GPC6: variants seen among roughly 807,000 people sequenced by gnomAD.
GPC6 encodes glypican 6.
A neutral mutation model predicts 55.2 loss-of-function variants in GPC6; 14 were observed. The observed-to-expected ratio is 0.25, with a 90% CI of 0.17 to 0.40. The LOEUF is 0.40. Ranked by LOEUF, GPC6 falls within the 10% of genes least tolerant of loss-of-function variation. GPC6 has a pLI of 1.00. For missense variants in GPC6, 641 were observed against 708.5 expected (o/e 0.90, Z 1.08); for synonymous variants, 278 against 259.6 (o/e 1.07, Z -0.68).
At chr13:94,009,917 T>A (rs988764915) in intron 3 of GPC6, among the ~76,000 whole-genome samples, 2 of 152,174 alleles carry the variant, frequency 1.3e-5, no homozygotes, top group African/African-American at 4.8e-5. Context: ...AGGAATTCAG[T>A]TGGCATTGCT....
At chr13:93,822,208 A>G (rs1887072906) in intron 2 of GPC6, among the ~76,000 whole-genome samples, 1 of 152,106 alleles carries the variant, frequency 6.6e-6, no homozygotes, top group African/African-American at 2.4e-5. Context: ...TTCTATGTGT[A>G]CAAATATCAT....
At chr13:93,245,482 G>T (rs1876567457) in intron 1 of GPC6, among the ~76,000 whole-genome samples, 1 of 152,154 alleles carries the variant, frequency 6.6e-6, no homozygotes, top group South Asian at 2.1e-4. Flanking sequence ...CGAAAGGCTT[G>T]CAAAACACAA....
At chr13:93,610,199 A>C (rs1281347389) in intron 2 of GPC6, among the ~76,000 whole-genome samples, 1 of 152,196 alleles carries the variant, frequency 6.6e-6, no homozygotes, top group Non-Finnish European at 1.5e-5. Context: ...AAACTTCGTA[A>C]GTTTCAATTT....
chr13:93,286,692 A>G (rs1878138763), intron 1 of GPC6, among the ~76,000 whole-genome samples: 1 of 152,178 alleles, frequency 6.6e-6, no homozygotes. Flanking sequence ...GGCAGAGGTC[A>G]CTAAGTTTTA....
intron 1 of GPC6, among the ~76,000 whole-genome samples, chr13:93,257,840 T>C (rs1877006888): frequency 6.6e-6 from 1 of 152,212 alleles, no homozygotes; most frequent in Non-Finnish European, 1.5e-5. Flanking sequence ...TTTTCTAGTA[T>C]TAAATTTCTC....
At chr13:93,442,613 T>A (rs1292124340) in intron 1 of GPC6, among the ~76,000 whole-genome samples, 1 of 152,202 alleles carries the variant, frequency 6.6e-6, no homozygotes, top group Non-Finnish European at 1.5e-5. Context: ...TGTTTCAGTA[T>A]CTTCCAAGAT....
At chr13:93,380,634 A>G (rs1875123726) in intron 1 of GPC6, among the ~76,000 whole-genome samples, 1 of 152,130 alleles carries the variant, frequency 6.6e-6, no homozygotes, top group African/African-American at 2.4e-5. Flanking sequence ...GATTGTATAG[A>G]AAATAGCCAG....
intron 2 of GPC6, among the ~76,000 whole-genome samples, chr13:93,576,760 TG>T (rs1367163525): frequency 6.6e-6 from 1 of 152,170 alleles, no homozygotes; most frequent in African/African-American, 2.4e-5. Context: ...ACACAAATTC[TG>T]ATGAATATAA....
chr13:94,372,506 G>A (rs562724076), intron 6 of GPC6, among the ~76,000 whole-genome samples: 6 of 152,262 alleles, frequency 3.9e-5, no homozygotes, highest in South Asian at 2.1e-4. Context: ...CTTTTCCGAC[G>A]GGCTTAAAAA....
intron 1 of GPC6, among the ~76,000 whole-genome samples, chr13:93,439,941 A>G (rs1877725941): frequency 6.6e-6 from 1 of 152,154 alleles, no homozygotes; most frequent in Non-Finnish European, 1.5e-5. Flanking sequence ...AAAATAATTA[A>G]TAGTTTTATT....
intron 1 of GPC6, among the ~76,000 whole-genome samples, chr13:93,418,292 A>G (rs1426519258): frequency 6.6e-6 from 1 of 151,704 alleles, no homozygotes; most frequent in African/African-American, 2.4e-5. Flanking sequence ...CAATCCAATT[A>G]TATACTTTTA....
At chr13:93,349,734 A>G (rs1382807878) in intron 1 of GPC6, among the ~76,000 whole-genome samples, 2 of 152,190 alleles carry the variant, frequency 1.3e-5, no homozygotes, top group Non-Finnish European at 2.9e-5. Flanking sequence ...TTCTCATTTT[A>G]ATATTAATGT....
chr13:93,693,459 ATC>A (rs1175928614), intron 2 of GPC6, among the ~76,000 whole-genome samples: 1 of 88,388 alleles, frequency 1.1e-5, no homozygotes, highest in South Asian at 4.0e-4. Flanking sequence ...GTGTATGTAT[ATC>A]TGTGTGTGTG....
intron 2 of GPC6, among the ~76,000 whole-genome samples, chr13:93,671,696 C>T (rs1374168305): frequency 2.6e-5 from 4 of 151,972 alleles, no homozygotes; most frequent in Admixed American, 6.6e-5. Flanking sequence ...CTCACCACAG[C>T]GGGTACCAAA....
rs1419711006 is a variant in GPC6, at chr13:93,621,071, C to T, written c.319+75650C>T. On this transcript the variant is annotated intron_variant, in intron 2 of 8. Coordinates refer to ENST00000377047, the MANE Select transcript of GPC6 (RefSeq NM_005708.5). Reference sequence around the variant, plus strand: ...TAACAGTTATGGTGGTGACGAATTGCAATAAAGATTTATTTCTTGCTTATG... The same window carrying T: ...TAACAGTTATGGTGGTGACGAATTGTAATAAAGATTTATTTCTTGCTTATG... Among the ~76,000 whole-genome samples the T allele has an allele frequency of 2.0e-5, 3 of 152,196 alleles. No homozygotes were observed. In the East Asian group the frequency reaches 5.8e-4, roughly 29 times the overall value.
At chr13:94,189,123 A>G (rs765312932) in intron 4 of GPC6, among the ~76,000 whole-genome samples, 1 of 152,138 alleles carries the variant, frequency 6.6e-6, no homozygotes, top group Non-Finnish European at 1.5e-5. Context: ...AAACGGGTAG[A>G]AATTCAGGAA....
At chr13:93,261,505 T>C (rs969254667) in intron 1 of GPC6, among the ~76,000 whole-genome samples, 2 of 152,194 alleles carry the variant, frequency 1.3e-5, no homozygotes, top group Non-Finnish European at 2.9e-5. Flanking sequence ...TACTGCTTTT[T>C]AACATTCGAA....
At chr13:94,101,091 C>G (rs2138825688) in intron 4 of GPC6, among the ~76,000 whole-genome samples, 1 of 152,348 alleles carries the variant, frequency 6.6e-6, no homozygotes, top group African/African-American at 2.4e-5. Flanking sequence ...GCCCTTCTCT[C>G]CCTTTTCTCT....
intron 1 of GPC6, among the ~76,000 whole-genome samples, chr13:93,328,552 G>A (rs932491803): frequency 1.3e-5 from 2 of 151,948 alleles, no homozygotes; most frequent in Non-Finnish European, 2.9e-5. Context: ...GCATACACCT[G>A]TAGTTGCAGC....
Sources: allele counts gnomAD v4.1 joint callset (sites outside exome capture counted in the v4.1 genomes callset), GRCh38; gene constraint gnomAD v4.1.1; transcripts MANE v1.5; gene names NCBI Gene and HGNC (gene_info 2026-07-23, HGNC 2026-07-21).